SMCO4: variants seen among roughly 807,000 people sequenced by gnomAD.
SMCO4 encodes the protein single-pass membrane and coiled-coil domain-containing protein 4.
Under a neutral mutation model 3.6 loss-of-function variants are expected in SMCO4, and 4 were observed. The observed-to-expected ratio is 1.11, with a 90% CI of 0.54 to 2.53. SMCO4 has a LOEUF of 2.53. SMCO4 is among the 30% of genes most tolerant of loss of function. SMCO4 has a pLI of 0.02. For synonymous variants in SMCO4, 36 were observed against 35.3 expected, an observed-to-expected ratio of 1.02 and a Z score of -0.07; for missense variants, 70 against 80.8, an observed-to-expected ratio of 0.87 and a Z score of 0.51.
At chr11:93,495,367 GC>G (rs1162314455) in intron 2 of SMCO4, among the ~76,000 whole-genome samples, 1 of 151,912 alleles carries the variant, frequency 6.6e-6, no homozygotes, top group African/African-American at 2.4e-5. Context: ...CTTGGGGAAG[GC>G]CTGAGAATGG....
intron 1 of SMCO4, among the ~76,000 whole-genome samples, chr11:93,539,924 T>C (rs1949257715): frequency 6.6e-6 from 1 of 151,216 alleles, no homozygotes. Flanking sequence ...ACCCCCTGAA[T>C]TCTGTATCTT....
chr11:93,520,996 T>C (rs1949052384), intron 1 of SMCO4, among the ~76,000 whole-genome samples: 1 of 152,242 alleles, frequency 6.6e-6, no homozygotes, highest in South Asian at 2.1e-4. Context: ...TTTAAGCCTA[T>C]ACATTGCTAT....
At chr11:93,543,995 C>A (rs77247387), upstream of SMCO4, among the ~76,000 whole-genome samples, 1,628 of 152,312 alleles carry the variant, frequency 0.011, 27 homozygotes, top group African/African-American at 0.037. Context: ...TTCCCCACCT[C>A]GGACCAGCGC....
At chr11:93,550,914 T>C in the SMCO4 span, among the ~76,000 whole-genome samples, 1 of 152,284 alleles carries the variant, frequency 6.6e-6, no homozygotes, top group Admixed American at 6.5e-5. Flanking sequence ...GCTGTACCTT[T>C]TGGTCTGGCA....
Position 93,478,761 on chromosome 11 carries a change from G to C in SMCO4, c.*249C>G. ...CACACACACACACACACATGCGCGCGCGCTTTGAAGTCTGAAAGGCACATG... is the reference window on the plus strand; with the variant it reads ...CACACACACACACACACATGCGCGCCCGCTTTGAAGTCTGAAAGGCACATG... On this transcript the variant is annotated 3_prime_UTR_variant, in exon 3 of 3. Coordinates refer to ENST00000298966, the MANE Select transcript of SMCO4 (RefSeq NM_020179.3). 1 of 1,006,164 alleles carries C rather than the reference G, an allele frequency of 9.9e-7. No homozygotes were observed. The highest frequency in any genetic ancestry group is 1.3e-6 in the Non-Finnish European group (1 of 757,478). 62.3% of individuals were successfully genotyped at this position (1,006,164 alleles called of 1,614,324 possible). A position where few individuals can be genotyped will look rare whatever the true frequency, so the allele number is the denominator to read the frequency against.
In SMCO4 at chr11:93,519,027, A is replaced by G. The variant is rs79606165; in HGVS notation, c.-153-19679T>C. Among the ~76,000 whole-genome samples the G allele has an allele frequency of 3.7e-3, 568 of 152,364 alleles. 6 individuals carry two copies. The highest frequency in any genetic ancestry group is 0.017 in the Middle Eastern group (5 of 294). On this transcript the variant is annotated intron_variant, in intron 1 of 2. Coordinates refer to ENST00000298966, the MANE Select transcript of SMCO4 (RefSeq NM_020179.3). ...ACCATCTTGTGTCCCAACCCTTAAA[A>G]GACTATTTCTAATTAGTTCTAAACT...
At chr11:93,484,800 C>G (rs371209712) in intron 2 of SMCO4, among the ~76,000 whole-genome samples, 1 of 151,564 alleles carries the variant, frequency 6.6e-6, no homozygotes, top group Non-Finnish European at 1.5e-5. Context: ...AGGTTTGATG[C>G]GAGAAGCCTG....
intron 1 of SMCO4, among the ~76,000 whole-genome samples, chr11:93,519,091 C>G (rs1194710372): frequency 6.6e-6 from 1 of 152,148 alleles, no homozygotes; most frequent in African/African-American, 2.4e-5. Flanking sequence ...GAAATTTAGC[C>G]TGGGACCAAG....
At chr11:93,524,085 T>C (rs956352826) in intron 1 of SMCO4, among the ~76,000 whole-genome samples, 4 of 152,222 alleles carry the variant, frequency 2.6e-5, no homozygotes, top group Non-Finnish European at 4.4e-5. Context: ...ATCTGTATTT[T>C]CTTCAAGCCA....
intron 1 of SMCO4, among the ~76,000 whole-genome samples, chr11:93,539,958 T>TAAA (rs1179925575): frequency 7.3e-6 from 1 of 137,742 alleles, no homozygotes; most frequent in Admixed American, 7.3e-5. Flanking sequence ...AAAATTAATT[T>TAAA]AAAAAAAAAA....
At position 93,478,917 on chromosome 11, in the gene SMCO4, T is replaced by G; in HGVS notation, c.*93A>C. The G allele has an allele frequency of 6.8e-7, 1 of 1,476,100 alleles. No individual in the cohort carries two copies. The highest frequency in any genetic ancestry group is 9.0e-7 in the Non-Finnish European group (1 of 1,113,440). The allele number at this position is 1,476,100 out of a possible 1,614,324, so 91.4% of individuals were successfully genotyped here. ...TGCTCCTGCTTACAGCTCAGCAACATGAACATCTCTGAATATGAAAGCCAT... is the reference window on the plus strand; with the variant it reads ...TGCTCCTGCTTACAGCTCAGCAACAGGAACATCTCTGAATATGAAAGCCAT... On this transcript the variant is annotated 3_prime_UTR_variant, in exon 3 of 3. Coordinates refer to ENST00000298966, the MANE Select transcript of SMCO4 (RefSeq NM_020179.3).
Position 93,479,079 on chromosome 11 carries a change from C to G in SMCO4, c.111G>C (p.Thr37=). 6.2e-7 allele frequency: 1 copy of G among 1,613,906 alleles called. No individual in the cohort carries two copies. Among genetic ancestry groups the G allele is most frequent in the Non-Finnish European group, 8.5e-7 (1 of 1,179,970 alleles). ...RQQITTVVLP[T]LAVVVLLIVV... is the part of the protein sequence containing the mutation. ...CGATCAAGAGCACGACCACGGCCAG[C>G]GTGGGCAGCACCACTGTAGTGATCT... is the stretch of plus-strand genomic sequence containing the variant. Residue 37 remains threonine, a synonymous_variant, in exon 3 of 3, where the codon ACG becomes ACC. Transcript: ENST00000298966.
intron 1 of SMCO4, among the ~76,000 whole-genome samples, chr11:93,530,431 C>A (rs56218826): frequency 2.0e-5 from 3 of 152,274 alleles, no homozygotes; most frequent in Non-Finnish European, 4.4e-5. Flanking sequence ...ACAGCACTAA[C>A]ATTTTTTAAA....
intron 1 of SMCO4, among the ~76,000 whole-genome samples, chr11:93,526,430 A>C (rs1949108615): frequency 6.6e-6 from 1 of 152,156 alleles, no homozygotes; most frequent in African/African-American, 2.4e-5. Context: ...TTTTGGGGAG[A>C]GTGAATCCAA....
intron 2 of SMCO4, among the ~76,000 whole-genome samples, chr11:93,480,908 G>A (rs1348516020): frequency 2.0e-5 from 3 of 152,122 alleles, no homozygotes; most frequent in Admixed American, 6.5e-5. Flanking sequence ...GTTTCCTAAG[G>A]TATGAGATGA....
At chr11:93,551,396 T>G in the SMCO4 span, among the ~76,000 whole-genome samples, 1 of 152,090 alleles carries the variant, frequency 6.6e-6, no homozygotes, top group Non-Finnish European at 1.5e-5. Context: ...TCTCGGACAA[T>G]GATCAGGACA....
intron 1 of SMCO4, among the ~76,000 whole-genome samples, chr11:93,527,573 C>CA (rs1949120606): frequency 6.6e-6 from 1 of 152,286 alleles, no homozygotes; most frequent in African/African-American, 2.4e-5. Context: ...CTTCCCAACT[C>CA]AGCCTCTTAA....
chr11:93,515,909 C>T (rs1037942263), intron 1 of SMCO4, among the ~76,000 whole-genome samples: 1 of 152,190 alleles, frequency 6.6e-6, no homozygotes, highest in African/African-American at 2.4e-5. Context: ...CCTCTCCCCT[C>T]TCCAGTCTGA....
rs140197060 is a variant in SMCO4, at chr11:93,502,053, C to T, written c.-153-2705G>A. ...CCAGGGGGCAAAGTACAGATGCAAA[C>T]TGTTCCCTTAGCCTTTCCCACGGCT... is the stretch of plus-strand genomic sequence containing the variant. On this transcript the variant is annotated intron_variant, in intron 1 of 2. Transcript: ENST00000298966. 4.5e-4 allele frequency among the ~76,000 whole-genome samples: 69 copies of T among 152,120 alleles called. 1 individual carries two copies. The highest frequency in any genetic ancestry group is 1.6e-3 in the African/African-American group (65 of 41,516).
Sources: allele counts gnomAD v4.1 joint callset (sites outside exome capture counted in the v4.1 genomes callset), GRCh38; gene constraint gnomAD v4.1.1; transcripts MANE v1.5; gene names NCBI Gene and HGNC (gene_info 2026-07-23, HGNC 2026-07-21).